The following ITPRID1 variants were observed in gnomAD, a reference collection of about 807,000 sequenced individuals.
ITPRID1 encodes protein ITPRID1.
ITPRID1 carries 96 observed loss-of-function variants against 95.4 expected under a neutral mutation model. The observed-to-expected ratio is 1.01, with a 90% CI of 0.85 to 1.19. ITPRID1 has a LOEUF of 1.19. Ranked by LOEUF, ITPRID1 falls within the 50% of genes most tolerant of loss-of-function variation. The pLI is 0.00. For synonymous variants in ITPRID1, 510 were observed against 453.6 expected, an observed-to-expected ratio of 1.12 and a Z score of -1.58; for missense variants, 1,339 against 1,252.9, an observed-to-expected ratio of 1.07 and a Z score of -1.04.
chr7:31,567,536 A>C (rs1031586721), intron 5 of ITPRID1, among the ~76,000 whole-genome samples: 12 of 151,236 alleles, frequency 7.9e-5, no homozygotes, highest in Non-Finnish European at 1.3e-4. Flanking sequence ...ATTCCCACTC[A>C]CTATTTAAAC....
At position 31,557,542 on chromosome 7, in the gene ITPRID1, G is replaced by A. The variant is rs1348372039; in HGVS notation, c.256+2641G>A. Among the ~76,000 whole-genome samples, 7 of 152,218 alleles carry A rather than the reference G, an allele frequency of 4.6e-5. No individual in the cohort carries two copies. In the South Asian group the frequency reaches 6.2e-4, roughly 14 times the overall value. On this transcript the variant is annotated intron_variant, in intron 5 of 14. Coordinates refer to ENST00000615280, the MANE Select transcript of ITPRID1 (RefSeq NM_001257967.3). ...CTCAAATCTCATTTTTATTAAGCGG[G>A]AATCTGGTTGGCCCATTTTGTACCT...
Position 31,643,139 on chromosome 7 carries a change from A to C in ITPRID1, c.1769A>C (p.Gln590Pro). 2.5e-6 allele frequency: 4 copies of C among 1,614,002 alleles called. No homozygotes were observed. Among genetic ancestry groups the C allele is most frequent in the Non-Finnish European group, 3.4e-6 (4 of 1,179,890 alleles). Residue 590 changes from glutamine (Q) to proline (P), a missense_variant, in exon 12 of 15, where the codon CAA becomes CCA. Gln to Pro is a moderately conservative substitution (Grantham distance 76). Transcript: ENST00000615280. ...FVRPEGAGKV[Q>P]SHHNESQRSP... ...AGGCCTGAGGGAGCTGGCAAAGTGC[A>C]AAGCCACCACAATGAGTCTCAAAGG...
Position 31,643,950 on chromosome 7 carries a change from T to C in ITPRID1, c.2580T>C (p.Cys860=). ...ALQDTTVREL[C]SCTVHEMEAM... ...AGGACACTACAGTGAGGGAGCTATG[T>C]TCCGTAAGTGTTCACCCTGGCAAAG... Residue 860 remains cysteine (C), a synonymous_variant, in exon 12 of 15, where the codon TGT becomes TGC. Coordinates refer to ENST00000615280, the MANE Select transcript of ITPRID1 (RefSeq NM_001257967.3). 6.2e-7 allele frequency: 1 copy of C among 1,605,630 alleles called. No individual in the cohort carries two copies. The highest frequency in any genetic ancestry group is 8.5e-7 in the Non-Finnish European group (1 of 1,176,056).
intron 5 of ITPRID1, among the ~76,000 whole-genome samples, chr7:31,555,631 A>C (rs1784421605): frequency 6.6e-6 from 1 of 152,176 alleles, no homozygotes; most frequent in African/African-American, 2.4e-5. Flanking sequence ...TAAAATGTGA[A>C]AAAGTATGTT....
intron 12 of ITPRID1, among the ~76,000 whole-genome samples, chr7:31,648,366 ACT>A (rs774398965): frequency 6.6e-6 from 1 of 151,882 alleles, no homozygotes; most frequent in African/African-American, 2.4e-5. Flanking sequence ...TGTTCAAAAC[ACT>A]CTATTTTTGA....
intron 10 of ITPRID1, among the ~76,000 whole-genome samples, chr7:31,608,424 G>T (rs38330): frequency 0.85 from 128,882 of 151,810 alleles, 54,854 homozygotes; most frequent in East Asian, 0.99. Context: ...GATAGAAATT[G>T]TATTCTATCT....
In ITPRID1 at chr7:31,642,975, G is replaced by A. The variant is rs574842458; in HGVS notation, c.1605G>A (p.Arg535=). ...CCACCACGAGGGGAGAATGCCCAAG[G>A]AAAGACAGCCATCTGTGGCAGCTTC... is the stretch of plus-strand genomic sequence containing the variant. The part of the protein sequence containing the change: ...AKTTTRGECP[R]KDSHLWQLLP... Residue 535 remains arginine (R), a synonymous_variant, in exon 12 of 15, where the codon AGG becomes AGA. Coordinates refer to ENST00000615280, the MANE Select transcript of ITPRID1 (RefSeq NM_001257967.3). The A allele has an allele frequency of 4.7e-5, 76 of 1,614,034 alleles. No individual in the cohort carries two copies. The highest frequency in any genetic ancestry group is 1.2e-4 in the Admixed American group (7 of 60,026).
intron 1 of ITPRID1, among the ~76,000 whole-genome samples, chr7:31,534,409 A>C (rs1783695116): frequency 6.6e-6 from 1 of 152,150 alleles, no homozygotes; most frequent in African/African-American, 2.4e-5. Context: ...CTATTTCTTT[A>C]GTCTTGCCAG....
At chr7:31,656,893 T>C, downstream of ITPRID1, among the ~76,000 whole-genome samples, 1 of 58,794 alleles carries the variant, frequency 1.7e-5, no homozygotes, top group East Asian at 6.4e-4. Flanking sequence ...GGCTGCTCTA[T>C]CCCACCAGGA....
intron 10 of ITPRID1, among the ~76,000 whole-genome samples, chr7:31,593,937 A>G (rs912722941): frequency 6.6e-6 from 1 of 152,244 alleles, no homozygotes; most frequent in African/African-American, 2.4e-5. Flanking sequence ...TTGTTAAGTG[A>G]GAAAAAAGTT....
chr7:31,651,851 A>T lies in ITPRID1; in HGVS notation c.2712-88A>T, dbSNP rs376941829. On this transcript the variant is annotated intron_variant, in intron 13 of 14. Transcript: ENST00000615280. ...GACATTCTCTTTTAAGAAATTGCAA[A>T]GGAAGAACCTATATTATGAGGTGAC... 13 of 850,468 alleles carry T rather than the reference A, an allele frequency of 1.5e-5. No homozygotes were observed. The East Asian group carries it at 1.9e-4, about 12-fold the overall frequency. 52.7% of individuals were successfully genotyped at this position (850,468 alleles called of 1,614,324 possible). A position where few individuals can be genotyped will look rare whatever the true frequency, so the allele number is the denominator to read the frequency against.
intron 9 of ITPRID1, among the ~76,000 whole-genome samples, chr7:31,582,352 A>G (rs1463700632): frequency 6.6e-6 from 1 of 152,222 alleles, no homozygotes; most frequent in Non-Finnish European, 1.5e-5. Context: ...GAAAAAATGT[A>G]TATAAAAGAA....
At chr7:31,610,845 T>G (rs1205532735) in intron 10 of ITPRID1, among the ~76,000 whole-genome samples, 2 of 151,584 alleles carry the variant, frequency 1.3e-5, no homozygotes, top group Non-Finnish European at 3.0e-5. Context: ...ACCTATGTGT[T>G]TTTTGAATTT....
intron 10 of ITPRID1, among the ~76,000 whole-genome samples, chr7:31,617,559 G>C (rs1056595422): frequency 6.6e-6 from 1 of 152,112 alleles, no homozygotes; most frequent in East Asian, 1.9e-4. Flanking sequence ...AATTATTTAA[G>C]AGAAAATACA....
Position 31,656,106 on chromosome 7 carries a change from T to C in ITPRID1, c.*3277T>C, listed in dbSNP as rs1791292220. 3 of 843,104 alleles carry C rather than the reference T, an allele frequency of 3.6e-6. No homozygotes were observed. The highest frequency in any genetic ancestry group is 1.1e-4 in the South Asian group (2 of 18,290). The allele number at this position is 843,104 out of a possible 1,614,324, so 52.2% of individuals were successfully genotyped here. Reference sequence around the variant, plus strand: ...TGATCTGTGGCAGAAGTGATCCTTATTTTTTGAAACTCCTATATCACTTTG... The same window carrying C: ...TGATCTGTGGCAGAAGTGATCCTTACTTTTTGAAACTCCTATATCACTTTG... On this transcript the variant is annotated 3_prime_UTR_variant, in exon 15 of 15. Coordinates refer to ENST00000615280, the MANE Select transcript of ITPRID1 (RefSeq NM_001257967.3).
At chr7:31,518,621 A>T (rs528895606) in intron 1 of ITPRID1, among the ~76,000 whole-genome samples, 6 of 152,360 alleles carry the variant, frequency 3.9e-5, no homozygotes, top group African/African-American at 1.4e-4. Flanking sequence ...AAAAAGCGGT[A>T]TAATTAGAAT....
intron 1 of ITPRID1, chr7:31,529,693 G>A: frequency 2.3e-6 from 3 of 1,305,222 alleles, no homozygotes; most frequent in Non-Finnish European, 3.2e-6. Context: ...GCAGTCACAA[G>A]GGCTTTGTAG....
chr7:31,597,569 T>TA (rs1458044484), intron 10 of ITPRID1, among the ~76,000 whole-genome samples: 2 of 151,926 alleles, frequency 1.3e-5, no homozygotes, highest in Non-Finnish European at 2.9e-5. Flanking sequence ...CACCTTATAT[T>TA]TATATGAATA....
rs1389604534 is a variant in ITPRID1 at position 31,643,813 on chromosome 7, T to C, written c.2443T>C (p.Cys815Arg). ...CATCTGCTGTCATCACCACCCTCAC[T>C]GCCACGGGGAGAGGCAAAGCCCTGG... ...CCICCHHHPH[C>R]HGERQSPGPE... The change falls in exon 12 of 15, where the codon TGC (cysteine) becomes CGC (arginine). Residue 815 changes from cysteine to arginine, a missense_variant. Physicochemically the swap from Cys to Arg is radical, Grantham distance 180 (BLOSUM62 -3). Transcript: ENST00000615280. 6.2e-7 allele frequency: 1 copy of C among 1,613,898 alleles called. No individual in the cohort carries two copies. The highest frequency in any genetic ancestry group is 1.1e-5 in the South Asian group (1 of 91,088).
Sources: gnomAD v4.1 joint callset for allele counts (sites outside exome capture counted in the v4.1 genomes callset) on GRCh38, gnomAD v4.1.1 for gene constraint, MANE v1.5 for transcripts, NCBI Gene and HGNC (gene_info 2026-07-23, HGNC 2026-07-21) for gene names.